MEF2A: variants seen among roughly 807,000 people sequenced by gnomAD.
MEF2A encodes the protein myocyte enhancer factor 2A, also known as myocyte-specific enhancer factor 2A.
MEF2A carries 28 observed loss-of-function variants against 55.8 expected under a neutral mutation model. That is an observed-to-expected ratio of 0.50 (90% CI 0.37 to 0.69). The LOEUF (loss-of-function observed/expected upper bound fraction) is 0.69, where lower values mean the gene tolerates loss of function less well. Ranked by LOEUF, MEF2A falls within the 30% of genes least tolerant of loss-of-function variation. MEF2A has a pLI of 0.00. For missense variants in MEF2A, 528 were observed against 626.2 expected, an observed-to-expected ratio of 0.84 and a Z score of 1.67; for synonymous variants, 239 against 227.1, an observed-to-expected ratio of 1.05 and a Z score of -0.47.
chr15:99,710,492 C>T lies in MEF2A; in HGVS notation c.1010-142C>T, dbSNP rs1029382390. The T allele has an allele frequency of 1.0e-5, 10 of 975,104 alleles. No homozygotes were observed. In the African/African-American group the frequency reaches 1.1e-4, roughly 11 times the overall value. 60.4% of individuals were successfully genotyped at this position (975,104 alleles called of 1,614,324 possible). A position where few individuals can be genotyped will look rare whatever the true frequency, so the allele number is the denominator to read the frequency against. On this transcript the variant is annotated intron_variant, in intron 10 of 11. Transcript: ENST00000557942. ...TCCTGACCTCAAGTGATCCGCCCAT[C>T]TTGGCCTCCCAAAGTGCTGGGATTA...
Position 99,577,684 on chromosome 15 carries a change from TGTTCTAA to T in MEF2A, c.-225+11591_-225+11597del, listed in dbSNP as rs775367395. The stretch of plus-strand genomic sequence containing the variant: ...AGTTTTTCTTCTAATGGTGTTTATC[TGTTCTAA>T]GTTCTAAGTTTCAATCCATAATCCC... On this transcript the variant is annotated intron_variant, in intron 1 of 11. Coordinates refer to ENST00000557942, the MANE Select transcript of MEF2A (RefSeq NM_001319206.4). Among the ~76,000 whole-genome samples the T allele has an allele frequency of 3.7e-4, 57 of 152,358 alleles. 1 individual carries two copies. Among genetic ancestry groups the T allele is most frequent in the Non-Finnish European group, 6.9e-4 (47 of 68,028 alleles).
chr15:99,677,818 C>T (rs1379560077), intron 7 of MEF2A, among the ~76,000 whole-genome samples: 3 of 152,152 alleles, frequency 2.0e-5, no homozygotes, highest in African/African-American at 7.2e-5. Flanking sequence ...ACCTCCTTCT[C>T]AGGAAGTCAG....
chr15:99,608,601 T>G (rs2098108997), intron 2 of MEF2A, among the ~76,000 whole-genome samples: 1 of 152,170 alleles, frequency 6.6e-6, no homozygotes, highest in Non-Finnish European at 1.5e-5. Context: ...AAACACATGA[T>G]AAAAAGTAAT....
chr15:99,696,747 C>A (rs910863191), intron 8 of MEF2A, among the ~76,000 whole-genome samples: 38 of 151,548 alleles, frequency 2.5e-4, no homozygotes, highest in Non-Finnish European at 5.3e-4. Context: ...AAAGTGATAC[C>A]AATTCTACAC....
chr15:99,686,516 A>G (rs2054253047), intron 7 of MEF2A, among the ~76,000 whole-genome samples: 1 of 152,108 alleles, frequency 6.6e-6, no homozygotes, highest in South Asian at 2.1e-4. Flanking sequence ...ACCGGCAATT[A>G]TTTTGTTTGA....
intron 4 of MEF2A, among the ~76,000 whole-genome samples, chr15:99,653,298 G>A (rs1489989318): frequency 1.3e-5 from 2 of 152,242 alleles, no homozygotes; most frequent in East Asian, 3.9e-4. Flanking sequence ...TAAAGAGACA[G>A]CTGTATAGTT....
At chr15:99,578,022 TCTCTC>T (rs1340738958) in intron 1 of MEF2A, among the ~76,000 whole-genome samples, 2 of 152,236 alleles carry the variant, frequency 1.3e-5, no homozygotes, top group Non-Finnish European at 1.5e-5. Context: ...TATCTGCTGA[TCTCTC>T]CTCTGTAAAG....
At chr15:99,686,011 G>A (rs999640896) in intron 7 of MEF2A, among the ~76,000 whole-genome samples, 6 of 152,098 alleles carry the variant, frequency 3.9e-5, no homozygotes, top group African/African-American at 1.2e-4. Context: ...TCCATGCAGA[G>A]TTTTTATTTC....
chr15:99,572,895 A>G (rs528691279), intron 1 of MEF2A, among the ~76,000 whole-genome samples: 5 of 152,338 alleles, frequency 3.3e-5, no homozygotes, highest in African/African-American at 7.2e-5. Context: ...CTGAATTGCT[A>G]TGTCAAGGAC....
chr15:99,606,378 A>C (rs1207882622), intron 2 of MEF2A, among the ~76,000 whole-genome samples: 1 of 152,202 alleles, frequency 6.6e-6, no homozygotes, highest in Non-Finnish European at 1.5e-5. Flanking sequence ...AGTATTAAAA[A>C]ATTGATAATT....
chr15:99,706,838 C>T lies in MEF2A; in HGVS notation c.992C>T (p.Pro331Leu). The change falls in exon 10 of 12, where the codon CCG becomes CTG. Residue 331 changes from proline (P) to leucine (L), a missense_variant. Physicochemically the swap from Pro to Leu is moderately conservative, Grantham distance 98. Around this residue, in one of 2 missense-constraint regions of MEF2A, gnomAD observed 450 missense variants for 475.3 expected, o/e 0.95. Coordinates refer to ENST00000557942, the MANE Select transcript of MEF2A (RefSeq NM_001319206.4). ...PPQGLVYSAM[P>L]TAYNTDYSLT... ...CAAGGACTTGTGTACTCAGCAATGC[C>T]GACTGCCTACAACACTGGTGAGCCT... 2 of 1,613,976 alleles carry T rather than the reference C, an allele frequency of 1.2e-6. No individual in the cohort carries two copies. The highest frequency in any genetic ancestry group is 8.5e-7 in the Non-Finnish European group (1 of 1,179,878).
Position 99,712,321 on chromosome 15 carries a change from C to T in MEF2A, c.1137-69C>T, listed in dbSNP as rs1368091174. On this transcript the variant is annotated intron_variant, in intron 11 of 11. Transcript: ENST00000557942. The surrounding 1 kb of genome is among the most constrained non-coding windows in gnomAD (Gnocchi z 4.1). ...GGCCCTTTTCCATCAGGCAGTGTCT[C>T]TACTGTATCATCCCAGTTTTGCAGA... The T allele has an allele frequency of 6.8e-7, 1 of 1,469,344 alleles. No individual in the cohort carries two copies. Among genetic ancestry groups the T allele is most frequent in the African/African-American group, 1.4e-5 (1 of 70,996 alleles). The allele number at this position is 1,469,344 out of a possible 1,614,324, so 91.0% of individuals were successfully genotyped here.
Position 99,706,722 on chromosome 15 carries a change from C to G in MEF2A, c.883-7C>G. On this transcript the variant is annotated splice_region_variant and splice_polypyrimidine_tract_variant and intron_variant, in intron 9 of 11. Coordinates refer to ENST00000557942, the MANE Select transcript of MEF2A (RefSeq NM_001319206.4). ...CAGAACACATTTTCTCTTTTTTGAT[C>G]TCACAGAATACCCAGAGGATCAGTA... The G allele has an allele frequency of 2.5e-6, 4 of 1,612,118 alleles. No homozygotes were observed. Among genetic ancestry groups the G allele is most frequent in the Non-Finnish European group, 3.4e-6 (4 of 1,178,236 alleles).
intron 1 of MEF2A, among the ~76,000 whole-genome samples, chr15:99,591,819 A>C (rs952740331): frequency 6.6e-6 from 1 of 152,114 alleles, no homozygotes; most frequent in Non-Finnish European, 1.5e-5. Flanking sequence ...TATGTTTAGA[A>C]AATGCATTTT....
intron 3 of MEF2A, 41 bp from the exon 4 acceptor site, chr15:99,645,520 A>C: frequency 7.0e-7 from 1 of 1,426,934 alleles, no homozygotes; most frequent in South Asian, 1.2e-5. Flanking sequence ...TTCAAGTACT[A>C]CTAATGCTTT....
intron 2 of MEF2A, among the ~76,000 whole-genome samples, chr15:99,613,057 G>A (rs1434097234): frequency 6.6e-6 from 1 of 152,154 alleles, no homozygotes; most frequent in East Asian, 1.9e-4. Flanking sequence ...TGATTCATTT[G>A]TATGATTTTG....
At chr15:99,655,001 T>C (rs1178115176) in intron 4 of MEF2A, among the ~76,000 whole-genome samples, 3 of 152,148 alleles carry the variant, frequency 2.0e-5, no homozygotes, top group Non-Finnish European at 4.4e-5. Context: ...TTAATTCTAA[T>C]TGTACTGTTT....
At chr15:99,580,148 T>G (rs1197880110) in intron 1 of MEF2A, among the ~76,000 whole-genome samples, 1 of 152,054 alleles carries the variant, frequency 6.6e-6, no homozygotes, top group Non-Finnish European at 1.5e-5. Context: ...CCACAAAGCT[T>G]TGGGGTTTCG....
At chr15:99,649,038 CATTTT>C (rs1257126558) in intron 4 of MEF2A, among the ~76,000 whole-genome samples, 3 of 152,054 alleles carry the variant, frequency 2.0e-5, no homozygotes, top group Non-Finnish European at 4.4e-5. Context: ...TGTTCTGCCT[CATTTT>C]ATATTAATTA....
Sources: gnomAD v4.1 joint callset for allele counts (sites outside exome capture counted in the v4.1 genomes callset) on GRCh38, gnomAD v4.1.1 for gene constraint, gnomAD v4.1.1 regional missense constraint, Gnocchi (gnomAD v3.1) non-coding constraint, MANE v1.5 for transcripts, NCBI Gene and HGNC (gene_info 2026-07-23, HGNC 2026-07-21) for gene names.